Variants in SBF2 observed in about 807,000 individuals in gnomAD.
SBF2 encodes myotubularin-related protein 13.
A neutral mutation model predicts 225.2 loss-of-function variants in SBF2; 112 were observed. That is an observed-to-expected ratio of 0.50 (90% CI 0.43 to 0.58). The LOEUF (loss-of-function observed/expected upper bound fraction) is 0.58, where lower values mean the gene tolerates loss of function less well. SBF2 is among the 20% of genes least tolerant of loss of function. The pLI is 0.00. For synonymous variants in SBF2, 763 were observed against 773.3 expected, an observed-to-expected ratio of 0.99 and a Z score of 0.22; for missense variants, 1,996 against 2,206.2, an observed-to-expected ratio of 0.90 and a Z score of 1.91.
chr11:9,789,058 A>G, intron 35 of SBF2, 51 bp downstream of exon 35: 1 of 1,511,192 alleles, frequency 6.6e-7, no homozygotes, highest in East Asian at 2.3e-5. Flanking sequence ...CTTTGCCCTC[A>G]TGCCTCCAGG....
upstream of SBF2, chr11:10,294,277 CT>C (rs1183708279): frequency 7.7e-5 from 29 of 377,860 alleles, no homozygotes; most frequent in Admixed American, 6.1e-4. Flanking sequence ...GCTGGCTCGG[CT>C]GCCCCAAGCC....
chr11:10,215,645 G>GT (rs1444613258), intron 1 of SBF2, among the ~76,000 whole-genome samples: 4 of 145,432 alleles, frequency 2.8e-5, no homozygotes, highest in Non-Finnish European at 6.0e-5. Context: ...AAAAAACCAT[G>GT]TACCTCTTAT....
intron 23 of SBF2, among the ~76,000 whole-genome samples, chr11:9,846,550 A>C (rs1856561361): frequency 6.6e-6 from 1 of 152,242 alleles, no homozygotes; most frequent in Non-Finnish European, 1.5e-5. Flanking sequence ...AACTAGTACC[A>C]ATAGAACTTT....
At chr11:10,023,337 TC>T (rs143753668) in intron 6 of SBF2, among the ~76,000 whole-genome samples, 305 of 152,336 alleles carry the variant, frequency 2.0e-3, no homozygotes, top group African/African-American at 6.8e-3. Context: ...TCAAGATGGC[TC>T]CTGAGTTCTT....
chr11:10,037,406 G>A (rs558580434), intron 3 of SBF2, among the ~76,000 whole-genome samples: 1 of 152,074 alleles, frequency 6.6e-6, no homozygotes, highest in African/African-American at 2.4e-5. Flanking sequence ...GCTACCAAGT[G>A]TAAAGTTGAT....
chr11:9,849,987 C>T (rs1856807357), intron 22 of SBF2, 36 bp downstream of exon 22: 6 of 1,581,606 alleles, frequency 3.8e-6, no homozygotes, highest in African/African-American at 1.3e-5. Context: ...ATGTACCACA[C>T]AGATACCCAT....
At position 10,283,896 on chromosome 11, in the gene SBF2, A is replaced by C. The variant is rs191496612; in HGVS notation, c.55+10119T>G. ...GTTCTCCTCAGCATAACAGCACTAT[A>C]AGAACACAAAACTGGAAACAAGGTC... On this transcript the variant is annotated intron_variant, in intron 1 of 39. Coordinates refer to ENST00000256190, the MANE Select transcript of SBF2 (RefSeq NM_030962.4). Among the ~76,000 whole-genome samples the C allele has an allele frequency of 1.9e-3, 289 of 152,336 alleles. 1 individual carries two copies. Among genetic ancestry groups the C allele is most frequent in the African/African-American group, 6.7e-3 (278 of 41,582 alleles).
chr11:9,953,445 C>T (rs139063985), intron 16 of SBF2, among the ~76,000 whole-genome samples: 125 of 149,424 alleles, frequency 8.4e-4, no homozygotes, highest in African/African-American at 2.8e-3. Context: ...TCAAAAAAAA[C>T]GAAAAAGAAA....
rs897514716 is a variant in SBF2, at chr11:9,872,159, A to G, written c.1930-13763T>C. Among the ~76,000 whole-genome samples, 8 of 152,336 alleles carry G rather than the reference A, an allele frequency of 5.3e-5. No homozygotes were observed. In the East Asian group the frequency reaches 1.5e-3, roughly 29 times the overall value. ...AGCCATGAAAAGGAATGAGATCATG[A>G]TCTTTGCAGGGATATAGATGGAGGT... On this transcript the variant is annotated intron_variant, in intron 17 of 39. Coordinates refer to ENST00000256190, the MANE Select transcript of SBF2 (RefSeq NM_030962.4).
chr11:10,263,115 T>C (rs1169169110), intron 1 of SBF2, among the ~76,000 whole-genome samples: 2 of 152,118 alleles, frequency 1.3e-5, no homozygotes, highest in Non-Finnish European at 2.9e-5. Flanking sequence ...TCCTTATAGA[T>C]ACCTTCTTTC....
chr11:9,882,795 C>CAAAAAAAAA (rs56699466), intron 17 of SBF2, among the ~76,000 whole-genome samples: 11 of 90,084 alleles, frequency 1.2e-4, no homozygotes, highest in African/African-American at 1.3e-4. Context: ...GTGACAGAGT[C>CAAAAAAAAA]AAAAAAAAAA....
Position 9,880,597 on chromosome 11 carries a change from C to T in SBF2, c.1929+15346G>A, listed in dbSNP as rs745410805. Among the ~76,000 whole-genome samples the T allele has an allele frequency of 3.6e-4, 55 of 152,222 alleles. 1 individual carries two copies. The highest frequency in any genetic ancestry group is 1.3e-3 in the African/African-American group (53 of 41,470). On this transcript the variant is annotated intron_variant, in intron 17 of 39. Transcript: ENST00000256190. ...ATTATACTAGCCTACTAAGTGGCCT[C>T]TGTTGCTCTAACCCCTCATCTTCCT...
intron 7 of SBF2, among the ~76,000 whole-genome samples, chr11:10,001,610 C>A (rs56272536): frequency 6.6e-6 from 1 of 151,806 alleles, no homozygotes; most frequent in Admixed American, 6.6e-5. Flanking sequence ...CTGCAAGCTC[C>A]GCCTCCAGGG....
chr11:10,123,073 C>T (rs967583812), intron 2 of SBF2, among the ~76,000 whole-genome samples: 10 of 152,144 alleles, frequency 6.6e-5, no homozygotes, highest in African/African-American at 2.4e-4. Context: ...TTACCTCTCC[C>T]TGCTTGGTTT....
intron 16 of SBF2, among the ~76,000 whole-genome samples, chr11:9,951,181 C>G (rs1473180199): frequency 1.3e-5 from 2 of 152,014 alleles, no homozygotes; most frequent in Non-Finnish European, 2.9e-5. Flanking sequence ...AAACAGTGTT[C>G]CAAACAAAGG....
rs369222697 is a variant in SBF2, at chr11:10,000,952, C to T, written c.823G>A (p.Gly275Arg). The T allele has an allele frequency of 6.2e-7, 1 of 1,605,368 alleles. No homozygotes were observed. Among genetic ancestry groups the T allele is most frequent in the Non-Finnish European group, 8.5e-7 (1 of 1,172,270 alleles). Residue 275 changes from glycine (G) to arginine (R), a missense_variant, in exon 8 of 40, where the codon GGA becomes AGA. Coordinates refer to ENST00000256190, the MANE Select transcript of SBF2 (RefSeq NM_030962.4). ...VLSSPTPFII[G>R]VHSVFKTDVH... is the part of the protein sequence containing the mutation. ...TCAGTTTTAAAGACAGAATGTACTC[C>T]AATAATGAAAGGCGTTGGGGAACTT...
At chr11:9,940,839 G>C (rs558997581) in intron 16 of SBF2, among the ~76,000 whole-genome samples, 2 of 152,074 alleles carry the variant, frequency 1.3e-5, no homozygotes, top group Non-Finnish European at 2.9e-5. Context: ...AGATAGAAAA[G>C]AAATTAATTA....
At chr11:9,858,141 A>AGTTTTTTT in intron 18 of SBF2, 85 bp downstream of exon 18, 1 of 1,470,098 alleles carries the variant, frequency 6.8e-7, no homozygotes. Flanking sequence ...AAGTAGCTAG[A>AGTTTTTTT]GTTTTTTTTG....
rs572138983 is a variant in SBF2 at position 10,129,774 on chromosome 11, C to G, written c.141+64128G>C. Among the ~76,000 whole-genome samples the G allele has an allele frequency of 2.6e-5, 4 of 152,086 alleles. No individual in the cohort carries two copies. In the South Asian group the frequency reaches 8.3e-4, roughly 32 times the overall value. On this transcript the variant is annotated intron_variant, in intron 2 of 39. Coordinates refer to ENST00000256190, the MANE Select transcript of SBF2 (RefSeq NM_030962.4). Reference sequence around the variant, plus strand: ...ATCGTAGCAGTTTGGGAGGCCAAAACAGGAGGGTTGCTTGAGGCCACGAGT... The same window carrying G: ...ATCGTAGCAGTTTGGGAGGCCAAAAGAGGAGGGTTGCTTGAGGCCACGAGT...
Sources: gnomAD v4.1 joint callset for allele counts (sites outside exome capture counted in the v4.1 genomes callset) on GRCh38, gnomAD v4.1.1 for gene constraint, MANE v1.5 for transcripts, NCBI Gene and HGNC (gene_info 2026-07-23, HGNC 2026-07-21) for gene names.